Variants in APLF observed in about 807,000 individuals in gnomAD.
The protein encoded by APLF is aprataxin and PNK-like factor.
In APLF, 61 loss-of-function variants were observed where a neutral mutation model predicts 55.6. The observed-to-expected ratio is 1.10, with a 90% CI of 0.89 to 1.36. The LOEUF (loss-of-function observed/expected upper bound fraction) is 1.36. Ranked by LOEUF, APLF falls within the 40% of genes most tolerant of loss-of-function variation. The pLI is 0.00. For synonymous variants in APLF, 207 were observed against 214.8 expected (o/e 0.96, Z 0.32); for missense variants, 611 against 602.5 (o/e 1.01, Z -0.15).
intron 8 of APLF, among the ~76,000 whole-genome samples, chr2:68,547,709 C>T (rs879647169): frequency 6.6e-6 from 1 of 151,594 alleles, no homozygotes; most frequent in Non-Finnish European, 1.5e-5. Context: ...CCAGATGACT[C>T]ATAGTACTAA....
chr2:68,550,276 G>A (rs568725755), intron 8 of APLF, among the ~76,000 whole-genome samples: 2 of 152,074 alleles, frequency 1.3e-5, no homozygotes, highest in African/African-American at 4.8e-5. Flanking sequence ...CTCTTGTCTA[G>A]GCTGGGGTGC....
chr2:68,480,978 A>G (rs1274431545), intron 1 of APLF, among the ~76,000 whole-genome samples: 1 of 152,194 alleles, frequency 6.6e-6, no homozygotes, highest in African/African-American at 2.4e-5. Flanking sequence ...ATCATGGTGT[A>G]TAATCTTTTT....
chr2:68,476,910 CA>C (rs1185191934), intron 1 of APLF, among the ~76,000 whole-genome samples: 2 of 151,956 alleles, frequency 1.3e-5, no homozygotes, highest in African/African-American at 4.8e-5. Context: ...GCAGATTCAA[CA>C]AGTATATTGG....
rs138122899 is a variant in APLF at position 68,494,207 on chromosome 2, G to T, written c.168+3946G>T. Among the ~76,000 whole-genome samples, 953 of 142,098 alleles carry T rather than the reference G, an allele frequency of 6.7e-3. 6 individuals carry two copies. Among genetic ancestry groups the T allele is most frequent in the African/African-American group, 0.024 (907 of 38,534 alleles). 93.2% of individuals were successfully genotyped at this position (142,098 alleles called of 152,430 possible). On this transcript the variant is annotated intron_variant, in intron 2 of 9. Transcript: ENST00000303795. The stretch of plus-strand genomic sequence containing the variant: ...AGGAGAATTGCTTGAACCCCAGGGG[G>T]ACAGAGATAGCAGTAAGCTGAGATC...
At chr2:68,472,300 T>G (rs529651837) in intron 1 of APLF, among the ~76,000 whole-genome samples, 1 of 152,190 alleles carries the variant, frequency 6.6e-6, no homozygotes, top group African/African-American at 2.4e-5. Context: ...AGAATGTGGG[T>G]TTTTCCCACA....
chr2:68,575,381 C>CA (rs1671593252), intron 9 of APLF, among the ~76,000 whole-genome samples: 1 of 152,080 alleles, frequency 6.6e-6, no homozygotes, highest in African/African-American at 2.4e-5. Flanking sequence ...AGAAAACTAC[C>CA]AGTGGGCTAG....
At position 68,529,215 on chromosome 2, in the gene APLF, TCCAAGGG is replaced by T; in HGVS notation, c.804+2974_804+2980del. On this transcript the variant is annotated intron_variant, in intron 6 of 9. Transcript: ENST00000303795. The surrounding 1 kb of genome is among the most constrained non-coding windows in gnomAD (Gnocchi z 4.4). The stretch of plus-strand genomic sequence containing the variant: ...AGGACCCTCTGTGGGGTGCCCGTGT[TCCAAGGG>T]ATAAGACACAGCCTCATAAGGGTGC... 1 of 1,251,774 alleles carries T rather than the reference TCCAAGGG, an allele frequency of 8.0e-7. No homozygotes were observed. The highest frequency in any genetic ancestry group is 1.1e-6 in the Non-Finnish European group (1 of 926,412). 77.5% of individuals were successfully genotyped at this position (1,251,774 alleles called of 1,614,324 possible).
At position 68,502,979 on chromosome 2, in the gene APLF, G is replaced by A. The variant is rs1285902020; in HGVS notation, c.341+76G>A. 5 of 1,463,130 alleles carry A rather than the reference G, an allele frequency of 3.4e-6. No individual in the cohort carries two copies. In the East Asian group the frequency reaches 9.6e-5, roughly 28 times the overall value. The allele number at this position is 1,463,130 out of a possible 1,614,324, so 90.6% of individuals were successfully genotyped here. On this transcript the variant is annotated intron_variant, in intron 3 of 9. Coordinates refer to ENST00000303795, the MANE Select transcript of APLF (RefSeq NM_173545.3). ...TCAGCCATCACAAATCCTTCGGTAG[G>A]AACCAGTAGAAACCATTAAACTGGA...
At chr2:68,557,478 A>G (rs1262219581) in intron 8 of APLF, among the ~76,000 whole-genome samples, 1 of 152,236 alleles carries the variant, frequency 6.6e-6, no homozygotes, top group African/African-American at 2.4e-5. Flanking sequence ...ACAAAAAATA[A>G]GAATGTGTGT....
At chr2:68,534,679 A>G (rs1305624557) in intron 6 of APLF, among the ~76,000 whole-genome samples, 1 of 152,172 alleles carries the variant, frequency 6.6e-6, no homozygotes, top group Non-Finnish European at 1.5e-5. Flanking sequence ...CCACTCTATC[A>G]TGAGTCGCCA....
intron 9 of APLF, among the ~76,000 whole-genome samples, chr2:68,573,534 G>A (rs979694759): frequency 9.9e-5 from 15 of 151,992 alleles, no homozygotes; most frequent in Admixed American, 5.2e-4. Context: ...GTAGCTGGGC[G>A]TGGTGGCGGG....
At position 68,551,313 on chromosome 2, in the gene APLF, G is replaced by T. The variant is rs191057404; in HGVS notation, c.1286+6001G>T. ...TAGTTTTTAACAGTTTAACTAACGT[G>T]CCTAGGTATATTTTTCTTTGTATTC... On this transcript the variant is annotated intron_variant, in intron 8 of 9. Coordinates refer to ENST00000303795, the MANE Select transcript of APLF (RefSeq NM_173545.3). 5.9e-5 allele frequency among the ~76,000 whole-genome samples: 9 copies of T among 152,026 alleles called. No individual in the cohort carries two copies. In the East Asian group the frequency reaches 1.7e-3, roughly 29 times the overall value.
chr2:68,500,044 T>C (rs1373642427), intron 2 of APLF, among the ~76,000 whole-genome samples: 2 of 152,200 alleles, frequency 1.3e-5, no homozygotes, highest in Non-Finnish European at 2.9e-5. Context: ...TCATTCCTAA[T>C]TTTTTGGTGT....
At chr2:68,528,188 C>T (rs1670135449) in intron 6 of APLF, 14 of 790,652 alleles carry the variant, frequency 1.8e-5, no homozygotes, top group Middle Eastern at 7.3e-4. Flanking sequence ...CCTGATCCGC[C>T]CACCTGGGCC....
At chr2:68,540,905 A>T (rs1267071010) in intron 7 of APLF, among the ~76,000 whole-genome samples, 1 of 152,158 alleles carries the variant, frequency 6.6e-6, no homozygotes, top group Non-Finnish European at 1.5e-5. Context: ...CCAGATAGAA[A>T]GCCTTATTAT....
intron 3 of APLF, 92 bp from the exon 4 acceptor site, chr2:68,512,988 C>G: frequency 8.1e-7 from 1 of 1,227,230 alleles, no homozygotes; most frequent in Non-Finnish European, 1.1e-6. Flanking sequence ...TTTGCTAAGT[C>G]TGAGTAAAGG....
chr2:68,516,673 T>G (rs1244908823), intron 5 of APLF, among the ~76,000 whole-genome samples: 4 of 150,116 alleles, frequency 2.7e-5, no homozygotes, highest in Non-Finnish European at 5.9e-5. Flanking sequence ...CACTTATAAA[T>G]GAGAAAATAC....
chr2:68,471,948 T>G (rs1428462647), intron 1 of APLF, among the ~76,000 whole-genome samples: 1 of 152,114 alleles, frequency 6.6e-6, no homozygotes, highest in African/African-American at 2.4e-5. Context: ...TAGGGAGGCA[T>G]GAGACATCAA....
At chr2:68,522,394 T>C (rs13398850) in intron 5 of APLF, among the ~76,000 whole-genome samples, 14,383 of 151,932 alleles carry the variant, frequency 0.095, 822 homozygotes, top group African/African-American at 0.15. Flanking sequence ...TTCAATCTTA[T>C]GATACCTTTT....
Sources: gnomAD v4.1 joint callset for allele counts (sites outside exome capture counted in the v4.1 genomes callset) on GRCh38, gnomAD v4.1.1 for gene constraint, Gnocchi (gnomAD v3.1) non-coding constraint, MANE v1.5 for transcripts, NCBI Gene and HGNC (gene_info 2026-07-23, HGNC 2026-07-21) for gene names.